The following TBC1D30 variants were observed in gnomAD, a reference collection of about 807,000 sequenced individuals.
TBC1D30 encodes TBC1 domain family, member 30.
TBC1D30 carries 31 observed loss-of-function variants against 63.2 expected under a neutral mutation model. The observed-to-expected ratio is 0.49, with a 90% CI of 0.37 to 0.66. The LOEUF (loss-of-function observed/expected upper bound fraction) is 0.66, where lower values mean the gene tolerates loss of function less well. TBC1D30 is among the 30% of genes least tolerant of loss of function. TBC1D30 has a pLI of 0.00. For missense variants in TBC1D30, 810 were observed against 953.6 expected (o/e 0.85, Z 1.98); for synonymous variants, 307 against 361.5 (o/e 0.85, Z 1.71).
chr12:64,797,829 C>T (rs991866493), intron 2 of TBC1D30, among the ~76,000 whole-genome samples: 8 of 152,178 alleles, frequency 5.3e-5, no homozygotes. Context: ...ACCCTGGATC[C>T]ATCTTGTCTT....
intron 1 of TBC1D30, 29 bp downstream of exon 1, chr12:64,825,062 G>A: frequency 1.2e-5 from 18 of 1,518,212 alleles, no homozygotes; most frequent in African/African-American, 1.4e-5. Context: ...CAGATGGGGC[G>A]CTGTAAAGTA....
intron 2 of TBC1D30, among the ~76,000 whole-genome samples, chr12:64,800,102 T>C (rs1273038784): frequency 6.6e-6 from 1 of 152,066 alleles, no homozygotes; most frequent in African/African-American, 2.4e-5. Flanking sequence ...TGAGACTCCC[T>C]CTCAAACAAA....
chr12:64,866,727 T>C, intron 9 of TBC1D30, 37 bp from the exon 10 acceptor site: 1 of 1,525,892 alleles, frequency 6.6e-7, no homozygotes, highest in Non-Finnish European at 8.8e-7. Flanking sequence ...CATGGTTTTC[T>C]TTGTATATTT....
chr12:64,861,159 T>C (rs2136451009), intron 8 of TBC1D30, among the ~76,000 whole-genome samples: 1 of 152,344 alleles, frequency 6.6e-6, no homozygotes, highest in East Asian at 1.9e-4. Context: ...GAGGAAAACA[T>C]CTGCGTGAAG....
In TBC1D30 at chr12:64,875,631, G is replaced by A; in HGVS notation, c.2129G>A (p.Ser710Asn). The change falls in exon 12 of 12, where the codon AGC becomes AAC. Residue 710 changes from serine (S) to asparagine (N), a missense_variant. Ser to Asn is a conservative substitution (Grantham distance 46). Around this residue, in one of 4 missense-constraint regions of TBC1D30, gnomAD observed 450 missense variants for 473.0 expected, o/e 0.95. Coordinates refer to ENST00000539867, the MANE Select transcript of TBC1D30 (RefSeq NM_015279.2). ...AGCAACTCAAAAACCCCCATCTTTA[G>A]CCCTTTTCCCAGCGTCAAGCCCCTG... ...QGSNSKTPIF[S>N]PFPSVKPLRK... The A allele has an allele frequency of 6.5e-7, 1 of 1,536,230 alleles. No homozygotes were observed. The highest frequency in any genetic ancestry group is 1.2e-5 in the South Asian group (1 of 84,050).
intron 11 of TBC1D30, 95 bp downstream of exon 11, chr12:64,870,903 G>A: frequency 2.5e-6 from 3 of 1,199,418 alleles, no homozygotes; most frequent in Non-Finnish European, 3.5e-6. Context: ...ATTACTAACT[G>A]TAGCTCAGTA....
chr12:64,781,282 GA>G lies in TBC1D30; in HGVS notation c.477del (p.Asp160ThrfsTer5). ...GGCATCAGATGCTGTACCTGCGGCA[GA>G]AAGGTGAGGGCCGGGCGCAGCAGGG... On this transcript the variant is annotated frameshift_variant, in exon 1 of 13. Coordinates refer to the TBC1D30 transcript ENST00000542120. LOFTEE classifies it high-confidence loss of function. 1 of 1,138,822 alleles carries G rather than the reference GA, an allele frequency of 8.8e-7. No individual in the cohort carries two copies. Among genetic ancestry groups the G allele is most frequent in the Non-Finnish European group, 1.1e-6 (1 of 915,284 alleles). The allele number at this position is 1,138,822 out of a possible 1,614,324, so 70.5% of individuals were successfully genotyped here.
At chr12:64,762,317 T>C (rs1050508886) in intron 1 of TBC1D30, among the ~76,000 whole-genome samples, 3 of 152,212 alleles carry the variant, frequency 2.0e-5, no homozygotes, top group Admixed American at 2.0e-4. Context: ...TAAGGCTAAT[T>C]GGAAATTACT....
Position 64,846,039 on chromosome 12 carries a change from A to G in TBC1D30, c.1038+2554A>G, listed in dbSNP as rs370029199. Among the ~76,000 whole-genome samples, 5 of 151,972 alleles carry G rather than the reference A, an allele frequency of 3.3e-5. 1 individual carries two copies. In the South Asian group the frequency reaches 8.3e-4, roughly 25 times the overall value. On this transcript the variant is annotated intron_variant, in intron 8 of 11. Coordinates refer to ENST00000539867, the MANE Select transcript of TBC1D30 (RefSeq NM_015279.2). ...AAATGGCTATTCAGATCTTTTGCCCATTTTTAATCGAATTATAAGATTATA... is the reference window on the plus strand; with the variant it reads ...AAATGGCTATTCAGATCTTTTGCCCGTTTTTAATCGAATTATAAGATTATA...
intron 7 of TBC1D30, 22 bp downstream of exon 7, chr12:64,838,873 CTCTGT>C (rs1475101996): frequency 6.5e-7 from 1 of 1,534,832 alleles, no homozygotes; most frequent in African/African-American, 1.4e-5. Flanking sequence ...CCACCTTCTG[CTCTGT>C]TCTGTGATGT....
At chr12:64,790,439 G>T (rs1369748881) in intron 2 of TBC1D30, among the ~76,000 whole-genome samples, 1 of 152,130 alleles carries the variant, frequency 6.6e-6, no homozygotes. Context: ...TATTAGCATT[G>T]TATAGTTTTG....
intron 7 of TBC1D30, among the ~76,000 whole-genome samples, chr12:64,839,839 A>T (rs1332210174): frequency 6.6e-6 from 1 of 151,978 alleles, no homozygotes; most frequent in Admixed American, 6.6e-5. Flanking sequence ...CCCCGTCTCT[A>T]CTAAATATAC....
upstream of TBC1D30, among the ~76,000 whole-genome samples, chr12:64,824,007 C>A (rs1415537881): frequency 4.7e-5 from 7 of 150,374 alleles, no homozygotes; most frequent in Non-Finnish European, 1.0e-4. Flanking sequence ...CCCCCCCCCA[C>A]ACCCTTTCTT....
chr12:64,820,013 G>A (rs1223090147), upstream of TBC1D30, among the ~76,000 whole-genome samples: 3 of 152,210 alleles, frequency 2.0e-5, no homozygotes, highest in South Asian at 6.2e-4. Context: ...CAGCTGTACA[G>A]ATGAGTTCCA....
At chr12:64,862,915 C>T (rs12099641) in intron 8 of TBC1D30, among the ~76,000 whole-genome samples, 10,927 of 152,178 alleles carry the variant, frequency 0.072, 763 homozygotes, top group African/African-American at 0.18. Flanking sequence ...TACCCAGCCC[C>T]TAGAGAAGGT....
chr12:64,849,558 G>C (rs1029548449), intron 8 of TBC1D30, among the ~76,000 whole-genome samples: 5 of 152,128 alleles, frequency 3.3e-5, no homozygotes, highest in Non-Finnish European at 7.4e-5. Flanking sequence ...GTTTGTGTCA[G>C]GTTTTTCAAA....
intron 10 of TBC1D30, chr12:64,867,867 A>G (rs1351842824): frequency 6.6e-6 from 1 of 152,070 alleles, no homozygotes; most frequent in African/African-American, 2.4e-5. Flanking sequence ...TTCTACTAAT[A>G]GTTCTTCTCT....
intron 10 of TBC1D30, chr12:64,868,637 CT>C: frequency 3.1e-6 from 1 of 325,968 alleles, no homozygotes; most frequent in Non-Finnish European, 5.8e-6. Context: ...AATTCCTTTG[CT>C]TTTTCTTAAG....
chr12:64,868,785 A>T (rs1414166172), intron 10 of TBC1D30: 1 of 170,354 alleles, frequency 5.9e-6, no homozygotes, highest in Non-Finnish European at 1.2e-5. Context: ...CATCTCTTCA[A>T]ATCTTTGAGG....
Sources: gnomAD v4.1 joint callset for allele counts (sites outside exome capture counted in the v4.1 genomes callset) on GRCh38, gnomAD v4.1.1 for gene constraint, gnomAD v4.1.1 regional missense constraint, MANE v1.5 for transcripts, NCBI Gene and HGNC (gene_info 2026-07-23, HGNC 2026-07-21) for gene names.